AMPD3: variants seen among roughly 807,000 people sequenced by gnomAD.
AMPD3 encodes adenosine monophosphate deaminase 3, also known as AMP deaminase 3.
Under a neutral mutation model 82.3 loss-of-function variants are expected in AMPD3, and 57 were observed. The ratio of observed to expected loss-of-function variants is 0.69; its 90% CI spans 0.56 to 0.86. The LOEUF (loss-of-function observed/expected upper bound fraction) is 0.86. Among genes scored for constraint, AMPD3 ranks in the 40% least tolerant of loss-of-function variants. The pLI is 0.00. For missense variants in AMPD3, 870 were observed against 1,003.8 expected (o/e 0.87, Z 1.80); for synonymous variants, 381 against 394.7 (o/e 0.97, Z 0.41).
chr11:10,479,036 T>A (rs1848825916), intron 3 of AMPD3, among the ~76,000 whole-genome samples: 1 of 152,162 alleles, frequency 6.6e-6, no homozygotes, highest in South Asian at 2.1e-4. Context: ...TGTAGCCTGT[T>A]GAGAAAGGTG....
rs1490982590 is a variant in AMPD3, at chr11:10,504,538, G to C, written c.2017-11G>C. On this transcript the variant is annotated splice_polypyrimidine_tract_variant and intron_variant, in intron 13 of 14. Coordinates refer to ENST00000396553, the MANE Select transcript of AMPD3 (RefSeq NM_001025389.2). ...CCCCTTCTAATCCACATGCTTTGGG[G>C]GAGGATCTAGGAAGCACTTATGGAA... is the stretch of plus-strand genomic sequence containing the variant. 14 of 1,611,842 alleles carry C rather than the reference G, an allele frequency of 8.7e-6. No homozygotes were observed. The highest frequency in any genetic ancestry group is 1.1e-5 in the Non-Finnish European group (13 of 1,177,998).
chr11:10,482,546 C>G (rs1256869473), intron 4 of AMPD3, among the ~76,000 whole-genome samples: 2 of 151,528 alleles, frequency 1.3e-5, no homozygotes, highest in Non-Finnish European at 2.9e-5. Context: ...GGGTCTTGCT[C>G]TGTTGCTCAG....
intron 10 of AMPD3, chr11:10,498,514 G>A (rs568842808): frequency 7.9e-5 from 12 of 152,696 alleles, no homozygotes; most frequent in African/African-American, 2.9e-4. Context: ...GAAAGTTCGG[G>A]TGAAGTATGG....
In AMPD3 at chr11:10,478,737, C is replaced by T. The variant is rs370726090; in HGVS notation, c.426+7C>T. 17 of 1,610,032 alleles carry T rather than the reference C, an allele frequency of 1.1e-5. No homozygotes were observed. Among genetic ancestry groups the T allele is most frequent in the Middle Eastern group, 1.7e-4 (1 of 6,030 alleles). ...CGGAGATTACTGTGCCGGGGTAAGG[C>T]GTCTGTGAGAGTGTTGAATGTGCCT... On this transcript the variant is annotated splice_region_variant and intron_variant, in intron 3 of 14. Coordinates refer to ENST00000396553, the MANE Select transcript of AMPD3 (RefSeq NM_001025389.2).
chr11:10,504,744 GT>G, intron 14 of AMPD3, 85 bp downstream of exon 14: 6 of 1,256,284 alleles, frequency 4.8e-6, no homozygotes, highest in Non-Finnish European at 7.0e-6. Context: ...CTGGGGATCT[GT>G]GATGAACATA....
At chr11:10,468,084 C>G (rs59602345) in intron 2 of AMPD3, among the ~76,000 whole-genome samples, 22,391 of 152,166 alleles carry the variant, frequency 0.15, 2,027 homozygotes, top group Non-Finnish European at 0.2. Flanking sequence ...TAAAGACTAT[C>G]AACACTTCGA....
rs141751483 is a variant in AMPD3 at position 10,473,762 on chromosome 11, C to T, written c.222-4764C>T. ...GGTGTCAGCCCCTCTTAGTTCCCTCCTTAGATGGGGGTCCCAATTCCAGGT... is the reference window on the plus strand; with the variant it reads ...GGTGTCAGCCCCTCTTAGTTCCCTCTTTAGATGGGGGTCCCAATTCCAGGT... On this transcript the variant is annotated intron_variant, in intron 2 of 14. Coordinates refer to ENST00000396553, the MANE Select transcript of AMPD3 (RefSeq NM_001025389.2). Among the ~76,000 whole-genome samples, 51 of 152,290 alleles carry T rather than the reference C, an allele frequency of 3.3e-4. 1 individual carries two copies. The highest frequency in any genetic ancestry group is 3.4e-3 in the Middle Eastern group (1 of 294).
At chr11:10,500,042 C>G (rs747081734) in intron 10 of AMPD3, 44 bp from the exon 11 acceptor site, 3 of 1,613,106 alleles carry the variant, frequency 1.9e-6, no homozygotes, top group Non-Finnish European at 2.5e-6. Context: ...GAGGCTGAGT[C>G]CTGGTCCTGC....
chr11:10,485,152 A>G (rs1183110604), intron 5 of AMPD3, 113 bp downstream of exon 5: 21 of 1,013,362 alleles, frequency 2.1e-5, no homozygotes, highest in South Asian at 2.8e-5. Context: ...AAAGCATCCC[A>G]GAAAGAGCGC....
intron 3 of AMPD3, among the ~76,000 whole-genome samples, chr11:10,479,139 C>T (rs1848830704): frequency 6.6e-6 from 1 of 152,194 alleles, no homozygotes; most frequent in South Asian, 2.1e-4. Context: ...GCTAAATCAT[C>T]TCTTCTTATA....
upstream of AMPD3, chr11:10,451,107 G>T: frequency 6.5e-7 from 1 of 1,542,240 alleles, no homozygotes. Context: ...CGGCCCAGGC[G>T]GGAATCAGCA....
At chr11:10,451,107 G>A (rs1229435102), upstream of AMPD3, 11 of 1,542,124 alleles carry the variant, frequency 7.1e-6, no homozygotes, top group African/African-American at 1.4e-5. Flanking sequence ...CGGCCCAGGC[G>A]GGAATCAGCA....
Position 10,495,739 on chromosome 11 carries a change from T to C in AMPD3, c.1430+6T>C. 6.2e-7 allele frequency: 1 copy of C among 1,614,000 alleles called. No individual in the cohort carries two copies. Among genetic ancestry groups the C allele is most frequent in the Non-Finnish European group, 8.5e-7 (1 of 1,179,984 alleles). On this transcript the variant is annotated splice_donor_region_variant and intron_variant, in intron 9 of 14. Coordinates refer to ENST00000396553, the MANE Select transcript of AMPD3 (RefSeq NM_001025389.2). ...ATCCAGGTGCCCCGGATTTAGTAAG[T>C]GAGGTGGCCCGCTGTCTACCCTGTG...
chr11:10,455,120 A>G, upstream of AMPD3: 10 of 985,194 alleles, frequency 1.0e-5, no homozygotes, highest in Non-Finnish European at 1.2e-5. Flanking sequence ...CCTCCCGGTA[A>G]ACAACTGACC....
intron 1 of AMPD3, chr11:10,461,213 G>A: frequency 1.6e-6 from 2 of 1,269,010 alleles, no homozygotes; most frequent in Admixed American, 5.9e-5. Context: ...GGAGGGCAGG[G>A]CTGCCAGGTG....
At chr11:10,469,710 G>T (rs1206343245) in intron 2 of AMPD3, among the ~76,000 whole-genome samples, 4 of 152,146 alleles carry the variant, frequency 2.6e-5, no homozygotes, top group Non-Finnish European at 5.9e-5. Flanking sequence ...ACACAACAGA[G>T]AAAATTTCAG....
Position 10,487,491 on chromosome 11 carries a change from G to A in AMPD3, c.939+127G>A, listed in dbSNP as rs532726631. ...GGGCTCCTTGCTAAGGGCGGCCTTC[G>A]TGGCCAGAGGGGTATGAAGCATATG... On this transcript the variant is annotated intron_variant, in intron 6 of 14. Coordinates refer to ENST00000396553, the MANE Select transcript of AMPD3 (RefSeq NM_001025389.2). 6,035 of 1,333,628 alleles carry A rather than the reference G, an allele frequency of 4.5e-3. 42 individuals carry two copies. Among genetic ancestry groups the A allele is most frequent in the Non-Finnish European group, 3.9e-3 (3,623 of 934,214 alleles). The allele number at this position is 1,333,628 out of a possible 1,614,324, so 82.6% of individuals were successfully genotyped here.
At chr11:10,473,669 G>A (rs1848656615) in intron 2 of AMPD3, 3 of 891,124 alleles carry the variant, frequency 3.4e-6, no homozygotes, top group Non-Finnish European at 1.3e-6. Context: ...AGGGACCCCT[G>A]TTATAGTGCC....
chr11:10,470,337 GA>G (rs1487784723), intron 2 of AMPD3, among the ~76,000 whole-genome samples: 2 of 152,168 alleles, frequency 1.3e-5, no homozygotes. Context: ...AGCTATTTAT[GA>G]AAAACCCACA....
Sources: allele counts gnomAD v4.1 joint callset (sites outside exome capture counted in the v4.1 genomes callset), GRCh38; gene constraint gnomAD v4.1.1; transcripts MANE v1.5; gene names NCBI Gene and HGNC (gene_info 2026-07-23, HGNC 2026-07-21).